DIAPH2: variants seen among roughly 807,000 people sequenced by gnomAD.
DIAPH2 encodes diaphanous related formin 2, also known as protein diaphanous homolog 2.
DIAPH2 carries 35 observed loss-of-function variants against 92.7 expected under a neutral mutation model. The observed-to-expected ratio is 0.38, with a 90% CI of 0.29 to 0.50. The LOEUF is 0.50. DIAPH2 is among the 20% of genes least tolerant of loss of function. The pLI is 0.94. For synonymous variants in DIAPH2, 301 were observed against 280.4 expected, an observed-to-expected ratio of 1.07 and a Z score of -0.73; for missense variants, 701 against 819.5, an observed-to-expected ratio of 0.86 and a Z score of 1.77.
intron 18 of DIAPH2, among the ~76,000 whole-genome samples, chrX:97,074,288 C>T (rs1254712916): frequency 9.0e-6 from 1 of 111,174 alleles, no homozygotes; most frequent in African/African-American, 3.3e-5. Flanking sequence ...TGCCTGTAAT[C>T]CCAGCTACTT....
chrX:97,036,503 G>A (rs2066411526), intron 17 of DIAPH2, among the ~76,000 whole-genome samples: 1 of 112,100 alleles, frequency 8.9e-6, no homozygotes, highest in South Asian at 3.7e-4. Flanking sequence ...CAGAAAAATA[G>A]GCTGTGTATG....
chrX:96,815,140 G>GT (rs1291698814), intron 4 of DIAPH2, among the ~76,000 whole-genome samples: 5 of 112,239 alleles, frequency 4.5e-5, no homozygotes, highest in African/African-American at 1.6e-4. Context: ...GCCCCCCGAG[G>GT]TGGGGGTCTA....
chrX:97,247,947 G>A, intron 23 of DIAPH2, 108 bp downstream of exon 23: 1 of 750,482 alleles, frequency 1.3e-6, no homozygotes, highest in African/African-American at 2.1e-5. Context: ...ACACCATCTG[G>A]ATGAATTTGT....
intron 22 of DIAPH2, among the ~76,000 whole-genome samples, chrX:97,149,994 G>A (rs1433570709): frequency 1.8e-5 from 2 of 110,050 alleles, no homozygotes; most frequent in African/African-American, 6.6e-5. Flanking sequence ...GTCTAAAACA[G>A]TCACAGAATT....
intron 1 of DIAPH2, among the ~76,000 whole-genome samples, chrX:96,693,007 A>G (rs971678859): frequency 8.9e-5 from 10 of 112,009 alleles, no homozygotes; most frequent in Admixed American, 1.9e-4. Flanking sequence ...TGGGCTTACA[A>G]TTGAAAATCA....
At chrX:97,515,170 G>T (rs1211049283) in intron 26 of DIAPH2, among the ~76,000 whole-genome samples, 1 of 112,544 alleles carries the variant, frequency 8.9e-6, no homozygotes, top group Non-Finnish European at 1.9e-5. Flanking sequence ...AGATTCCGTG[G>T]GCGTAGGACC....
chrX:97,319,157 A>G (rs1335020121), intron 23 of DIAPH2, among the ~76,000 whole-genome samples: 1 of 112,165 alleles, frequency 8.9e-6, no homozygotes, highest in Non-Finnish European at 1.9e-5. Context: ...CAGTAAGAAA[A>G]AGATTGTATA....
intron 26 of DIAPH2, among the ~76,000 whole-genome samples, chrX:97,589,419 A>G (rs1348986780): frequency 5.5e-5 from 6 of 108,805 alleles, no homozygotes; most frequent in African/African-American, 2.0e-4. Context: ...TAATATTATA[A>G]ATTATATTTT....
chrX:96,934,915 T>C (rs1044694964), intron 10 of DIAPH2, among the ~76,000 whole-genome samples: 1 of 111,905 alleles, frequency 8.9e-6, no homozygotes, highest in Non-Finnish European at 1.9e-5. Context: ...GGCATACTTT[T>C]ATCTCTTTAA....
intron 19 of DIAPH2, among the ~76,000 whole-genome samples, chrX:97,092,408 A>T (rs2066832207): frequency 8.9e-6 from 1 of 112,420 alleles, no homozygotes; most frequent in Admixed American, 9.4e-5. Flanking sequence ...ATAATCTGCC[A>T]CCATGTTCAG....
At chrX:97,025,255 CAGG>C (rs1352960633) in intron 17 of DIAPH2, among the ~76,000 whole-genome samples, 10 of 110,989 alleles carry the variant, frequency 9.0e-5, no homozygotes, top group Non-Finnish European at 1.9e-4. Context: ...GAGGTTGAGA[CAGG>C]AGAATCGTTT....
At chrX:96,983,909 A>G (rs761064029) in intron 17 of DIAPH2, among the ~76,000 whole-genome samples, 64 of 111,887 alleles carry the variant, frequency 5.7e-4, no homozygotes, top group African/African-American at 2.0e-3. Context: ...GTGTTTATAT[A>G]TTGCATAATA....
At chrX:97,232,294 G>T (rs1440220766) in intron 22 of DIAPH2, among the ~76,000 whole-genome samples, 1 of 111,580 alleles carries the variant, frequency 9.0e-6, no homozygotes, top group Non-Finnish European at 1.9e-5. Flanking sequence ...GAGTGTAGTG[G>T]CGTGATCTCA....
Position 96,957,898 on chromosome X carries a change from C to T in DIAPH2, c.1685C>T (p.Pro562Leu), listed in dbSNP as rs200278082. 21 of 1,208,185 alleles carry T rather than the reference C, an allele frequency of 1.7e-5. No homozygotes were observed. The East Asian group carries it at 1.8e-4, about 10-fold the overall frequency. Residue 562 changes from proline (P) to leucine (L), a missense_variant, in exon 16 of 27, where the codon CCG (proline) becomes CTG (leucine). Around this residue, in one of 3 missense-constraint regions of DIAPH2, gnomAD observed 536 missense variants for 599.3 expected, o/e 0.89. Coordinates refer to ENST00000324765, the MANE Select transcript of DIAPH2 (RefSeq NM_006729.5). Reference sequence around the variant, plus strand: ...GCACCTCCATTGCCAGGTGTAGGGCCGCCTCCACCACCACCCGCGCCACCT... The same window carrying T: ...GCACCTCCATTGCCAGGTGTAGGGCTGCCTCCACCACCACCCGCGCCACCT... ...PAAPPLPGVG[P>L]PPPPPAPPLP...
chrX:97,588,983 C>G (rs1469814697), intron 26 of DIAPH2, among the ~76,000 whole-genome samples: 1 of 22,947 alleles, frequency 4.4e-5, no homozygotes, highest in East Asian at 2.1e-3. Context: ...GCCAAAAATT[C>G]AGATATTATA....
rs1297475018 is a variant in DIAPH2 at position 97,121,609 on chromosome X, C to A, written c.2589+6644C>A. On this transcript the variant is annotated intron_variant, in intron 21 of 26. Transcript: ENST00000324765. ...TAGAACATTTTGTTCCTCACAGATA[C>A]AAAGGGCATATTTTTGCCAGCAAAA... Among the ~76,000 whole-genome samples, 3 of 111,988 alleles carry A rather than the reference C, an allele frequency of 2.7e-5. No homozygotes were observed. The East Asian group carries it at 8.4e-4, about 31-fold the overall frequency.
chrX:96,695,211 A>G (rs749556367), intron 1 of DIAPH2, among the ~76,000 whole-genome samples: 4 of 112,220 alleles, frequency 3.6e-5, no homozygotes, highest in African/African-American at 1.3e-4. Context: ...TCGGCCTCCC[A>G]AAGTGCTGGA....
intron 26 of DIAPH2, among the ~76,000 whole-genome samples, chrX:97,478,371 T>A (rs2070626350): frequency 8.9e-6 from 1 of 111,909 alleles, no homozygotes; most frequent in Non-Finnish European, 1.9e-5. Flanking sequence ...AATCTCTGAT[T>A]ATATACATTT....
chrX:97,590,129 A>G (rs2071507628), intron 26 of DIAPH2, among the ~76,000 whole-genome samples: 1 of 112,049 alleles, frequency 8.9e-6, no homozygotes, highest in African/African-American at 3.2e-5. Flanking sequence ...TAGGTTAAGT[A>G]TCTTTTATCA....
Sources: allele counts gnomAD v4.1 joint callset (sites outside exome capture counted in the v4.1 genomes callset), GRCh38; gene constraint gnomAD v4.1.1; regional missense constraint gnomAD v4.1.1; transcripts MANE v1.5; gene names NCBI Gene and HGNC (gene_info 2026-07-23, HGNC 2026-07-21).